Variants in USP47 observed in about 807,000 individuals in gnomAD.
The protein encoded by USP47 is ubiquitin carboxyl-terminal hydrolase 47.
In USP47, 35 loss-of-function variants were observed where a neutral mutation model predicts 165.1. The observed-to-expected ratio is 0.21, with a 90% CI of 0.16 to 0.28. The LOEUF is 0.28. Among genes scored for constraint, USP47 ranks in the 10% least tolerant of loss-of-function variants. USP47 has a pLI of 1.00. For missense variants in USP47, 1,277 were observed against 1,607.4 expected (o/e 0.79, Z 3.52); for synonymous variants, 531 against 544.5 (o/e 0.98, Z 0.35).
rs1847340244 is a variant in USP47, at chr11:11,959,043, CTG to C, written c.*2871_*2872del. 6.6e-6 allele frequency: 1 copy of C among 152,234 alleles called. No individual in the cohort carries two copies. Among genetic ancestry groups the C allele is most frequent in the African/African-American group, 2.4e-5 (1 of 41,442 alleles). The allele number at this position is 152,234 out of a possible 1,614,324, so 9.4% of individuals were successfully genotyped here. ...AGCAGGAGAGAGCTACCAACTTACACTGTGGTTTAAGCTAAATGACCGCACAG... is the reference window on the plus strand; with the variant it reads ...AGCAGGAGAGAGCTACCAACTTACACTGGTTTAAGCTAAATGACCGCACAG... On this transcript the variant is annotated 3_prime_UTR_variant, in exon 28 of 28. Transcript: ENST00000527733.
At position 11,897,589 on chromosome 11, in the gene USP47, C is replaced by CT; in HGVS notation, c.497-5dup. 1 of 1,583,226 alleles carries CT rather than the reference C, an allele frequency of 6.3e-7. No homozygotes were observed. The highest frequency in any genetic ancestry group is 8.6e-7 in the Non-Finnish European group (1 of 1,163,704). On this transcript the variant is annotated splice_polypyrimidine_tract_variant and splice_region_variant and intron_variant, in intron 4 of 27. Transcript: ENST00000527733. ...TGATTAATGTACATTTGTATTTTCT[C>CT]TTTAAAGGATATGTGGGACTAGTAA...
rs1220663717 is a variant in USP47 at position 11,957,281 on chromosome 11, T to C, written c.*1106T>C. On this transcript the variant is annotated 3_prime_UTR_variant, in exon 28 of 28. Transcript: ENST00000527733. ...TTAACATTGTTCTGAATAAACTTGC[T>C]AATGAGGTCAGGTCATGGTACAGAC... 6.6e-6 allele frequency: 1 copy of C among 152,406 alleles called. No individual in the cohort carries two copies. Among genetic ancestry groups the C allele is most frequent in the African/African-American group, 2.4e-5 (1 of 41,448 alleles). The allele number at this position is 152,406 out of a possible 1,614,324, so 9.4% of individuals were successfully genotyped here. A position where few individuals can be genotyped will look rare whatever the true frequency, so the allele number is the denominator to read the frequency against.
At chr11:11,892,181 C>T in intron 4 of USP47, 75 bp downstream of exon 4, 1 of 1,474,778 alleles carries the variant, frequency 6.8e-7, no homozygotes, top group Non-Finnish European at 9.1e-7. Context: ...AAGCCTAATC[C>T]TCTTATTTTA....
chr11:11,904,940 GA>G, intron 7 of USP47, among the ~76,000 whole-genome samples: 1 of 152,206 alleles, frequency 6.6e-6, no homozygotes, highest in East Asian at 1.9e-4. Flanking sequence ...ATTATTGTGA[GA>G]AGTGATATAC....
At chr11:11,902,999 C>T in intron 6 of USP47, 139 bp downstream of exon 6, 1 of 927,976 alleles carries the variant, frequency 1.1e-6, no homozygotes. Context: ...TTTTCTAACA[C>T]ATTTCATAAC....
intron 3 of USP47, among the ~76,000 whole-genome samples, chr11:11,889,960 T>C (rs1379630579): frequency 1.3e-5 from 2 of 152,074 alleles, no homozygotes; most frequent in African/African-American, 2.4e-5. Context: ...GAAAGGATTC[T>C]CTATTTAATA....
In USP47 at chr11:11,878,370, C is replaced by A. The variant is rs184379570; in HGVS notation, c.40-1807C>A. ...GAACGCTGAATCATTCAGACTTGAT[C>A]TATCCCTGAAGTATACTATTGAATC... On this transcript the variant is annotated intron_variant, in intron 1 of 27. Coordinates refer to ENST00000527733, the MANE Select transcript of USP47 (RefSeq NM_001282659.2). Among the ~76,000 whole-genome samples, 111 of 152,268 alleles carry A rather than the reference C, an allele frequency of 7.3e-4. 2 individuals carry two copies. In the East Asian group the frequency reaches 0.02, roughly 28 times the overall value.
At chr11:11,927,208 C>T (rs953380292) in intron 11 of USP47, among the ~76,000 whole-genome samples, 1 of 146,760 alleles carries the variant, frequency 6.8e-6, no homozygotes, top group Non-Finnish European at 1.5e-5. Context: ...GTGTTTTTCC[C>T]CTCTGCCTCC....
At chr11:11,854,380 A>G (rs889310545) in intron 1 of USP47, among the ~76,000 whole-genome samples, 1 of 147,064 alleles carries the variant, frequency 6.8e-6, no homozygotes, top group Non-Finnish European at 1.5e-5. Flanking sequence ...CTGACATTGG[A>G]CAAATTCCTT....
chr11:11,943,089 A>G lies in USP47; in HGVS notation c.3068A>G (p.Glu1023Gly). 1 of 1,612,574 alleles carries G rather than the reference A, an allele frequency of 6.2e-7. No individual in the cohort carries two copies. Among genetic ancestry groups the G allele is most frequent in the Non-Finnish European group, 8.5e-7 (1 of 1,179,240 alleles). ...YFKAEPYAAD[E>G]GSGEGHKWLM... is the part of the protein sequence containing the mutation. The stretch of plus-strand genomic sequence containing the variant: ...AAAGCTGAACCTTATGCTGCAGATG[A>G]AGGTTCTGGGGAAGGACATAAATGT... Residue 1023 changes from glutamate (E) to glycine (G), a missense_variant, in exon 20 of 28, where the codon GAA becomes GGA. By Grantham distance (98) the Glu-to-Gly change is moderately conservative. Around this residue, in one of 4 missense-constraint regions of USP47, gnomAD observed 909 missense variants for 1,068.1 expected, o/e 0.85. Transcript: ENST00000527733.
At chr11:11,920,106 CATTA>C (rs1438409680) in intron 8 of USP47, 46 bp from the exon 9 acceptor site, 4 of 1,328,968 alleles carry the variant, frequency 3.0e-6, no homozygotes, top group African/African-American at 3.1e-5. Context: ...AGGATTTTGT[CATTA>C]ATATAATATT....
intron 13 of USP47, 122 bp downstream of exon 13, chr11:11,930,242 A>T (rs1590403304): frequency 2.5e-6 from 2 of 787,060 alleles, no homozygotes; most frequent in South Asian, 3.5e-5. Flanking sequence ...GCCAAATCCA[A>T]CCTGCCTCCA....
intron 20 of USP47, chr11:11,943,874 CA>C (rs1346261474): frequency 6.6e-6 from 1 of 151,916 alleles, no homozygotes; most frequent in African/African-American, 2.4e-5. Flanking sequence ...TTAGTTCTAG[CA>C]AAGCAAATAT....
intron 1 of USP47, among the ~76,000 whole-genome samples, chr11:11,859,677 T>C (rs1849261110): frequency 6.6e-6 from 1 of 152,220 alleles, no homozygotes; most frequent in Non-Finnish European, 1.5e-5. Context: ...AATTTCATTA[T>C]GTACAAGAAT....
chr11:11,850,326 G>T (rs1848652945), intron 1 of USP47, among the ~76,000 whole-genome samples: 1 of 148,300 alleles, frequency 6.7e-6, no homozygotes, highest in South Asian at 2.1e-4. Flanking sequence ...TTTGCTTTCT[G>T]GGAGATTTTT....
chr11:11,900,711 C>G (rs1421709765), intron 5 of USP47, among the ~76,000 whole-genome samples: 1 of 152,142 alleles, frequency 6.6e-6, no homozygotes, highest in Non-Finnish European at 1.5e-5. Context: ...ACAAATTTTA[C>G]TTAGGAGTAA....
chr11:11,939,066 G>A (rs762751282), intron 18 of USP47, among the ~76,000 whole-genome samples: 4 of 151,888 alleles, frequency 2.6e-5, no homozygotes, highest in Non-Finnish European at 4.4e-5. Context: ...GTGAGCTAGT[G>A]ATAAAGAACA....
At chr11:11,842,366 G>A in intron 1 of USP47, 142 bp downstream of exon 1, 1 of 959,180 alleles carries the variant, frequency 1.0e-6, no homozygotes, top group Non-Finnish European at 1.5e-6. Flanking sequence ...AGTCGGGGGT[G>A]GACGGTGGGT....
intron 10 of USP47, 85 bp from the exon 11 acceptor site, chr11:11,922,639 T>C: frequency 2.0e-6 from 2 of 998,392 alleles, no homozygotes; most frequent in Non-Finnish European, 2.7e-6. Flanking sequence ...TGTGTGAAAA[T>C]ATTAGCAGTA....
Sources: gnomAD v4.1 joint callset for allele counts (sites outside exome capture counted in the v4.1 genomes callset) on GRCh38, gnomAD v4.1.1 for gene constraint, gnomAD v4.1.1 regional missense constraint, MANE v1.5 for transcripts, NCBI Gene and HGNC (gene_info 2026-07-23, HGNC 2026-07-21) for gene names.